The following DYNC2H1 variants were observed in gnomAD, a reference collection of about 807,000 sequenced individuals.
DYNC2H1 encodes the protein dynein cytoplasmic 2 heavy chain 1.
Under a neutral mutation model 570.0 loss-of-function variants are expected in DYNC2H1, and 410 were observed. The ratio of observed to expected loss-of-function variants is 0.72; its 90% confidence interval spans 0.66 to 0.78. The LOEUF is 0.78. DYNC2H1 is among the 30% of genes least tolerant of loss of function. The pLI, the probability that DYNC2H1 is intolerant of heterozygous loss-of-function variation, is 0.00. For synonymous variants in DYNC2H1, 1,688 were observed against 1,677.6 expected (o/e 1.01, Z -0.15); for missense variants, 4,865 against 5,046.4 (o/e 0.96, Z 1.09).
At chr11:103,469,607 C>T (rs972170014) in intron 88 of DYNC2H1, among the ~76,000 whole-genome samples, 2 of 152,130 alleles carry the variant, frequency 1.3e-5, no homozygotes, top group African/African-American at 2.4e-5. Context: ...CAGTTAGCAA[C>T]ATTGCCAAGA....
In DYNC2H1 at chr11:103,363,009, C is replaced by T. The variant is rs1200202504; in HGVS notation, c.12156+4650C>T. Among the ~76,000 whole-genome samples, 3 of 151,662 alleles carry T rather than the reference C, an allele frequency of 2.0e-5. No homozygotes were observed. Among genetic ancestry groups the T allele is most frequent in the Admixed American group, 6.6e-5 (1 of 15,232 alleles). On this transcript the variant is annotated intron_variant, in intron 83 of 88. Transcript: ENST00000375735. The surrounding 1 kb of genome is among the most constrained non-coding windows in gnomAD (Gnocchi z 5.6). Reference sequence around the variant, plus strand: ...TTGTACCACTGCACTCCAGCCTGGGCGACAGAGCAAGACTCTGTCTCAAAA... The same window carrying T: ...TTGTACCACTGCACTCCAGCCTGGGTGACAGAGCAAGACTCTGTCTCAAAA...
Position 103,253,366 on chromosome 11 carries a change from C to A in DYNC2H1, c.10124C>A (p.Pro3375Gln). The A allele has an allele frequency of 6.2e-7, 1 of 1,613,302 alleles. No homozygotes were observed. The highest frequency in any genetic ancestry group is 8.5e-7 in the Non-Finnish European group (1 of 1,179,528). ...CGCCTCTTTTTGTCAACAAGAAACC[C>A]AAATCCTTTTATTCCACCGGATGCA... ...EFRLFLSTRN[P>Q]NPFIPPDAAS... is the part of the protein sequence containing the mutation. Residue 3375 changes from proline to glutamine, a missense_variant, in exon 66 of 89, where the codon CCA becomes CAA. Pro to Gln is a moderately conservative substitution (Grantham distance 76, BLOSUM62 -1). Around this residue, in one of 5 missense-constraint regions of DYNC2H1, gnomAD observed 2,401 missense variants for 2,454.6 expected, o/e 0.98. Coordinates refer to ENST00000375735, the MANE Select transcript of DYNC2H1 (RefSeq NM_001377.3).
At chr11:103,137,401 G>T (rs945193446) in intron 17 of DYNC2H1, among the ~76,000 whole-genome samples, 4 of 151,780 alleles carry the variant, frequency 2.6e-5, no homozygotes, top group African/African-American at 9.7e-5. Context: ...ATTAATTTTT[G>T]TATAAGGTGT....
In DYNC2H1 at chr11:103,283,026, C is replaced by A. The variant is rs200818301; in HGVS notation, c.10831C>A (p.Arg3611Ser). ...ATTAAAGGACTCTCAACAAAAAATA[C>A]GTGATCAGCTTCCGTCTTGGATAGA... ...LRKADSQQKI[R>S]DQLPSWIDQE... The change falls in exon 73 of 89, where the codon CGT (arginine) becomes AGT (serine). Residue 3611 changes from arginine to serine, a missense_variant. By Grantham distance (110) the Arg-to-Ser change is moderately radical (BLOSUM62 -1). Transcript: ENST00000375735. 6.3e-7 allele frequency: 1 copy of A among 1,599,224 alleles called. No individual in the cohort carries two copies. The highest frequency in any genetic ancestry group is 1.3e-5 in the African/African-American group (1 of 74,432).
intron 47 of DYNC2H1, among the ~76,000 whole-genome samples, chr11:103,193,845 C>T (rs556043709): frequency 2.8e-4 from 42 of 152,044 alleles, no homozygotes; most frequent in African/African-American, 9.2e-4. Flanking sequence ...CACACCCAGC[C>T]AGATTTTCTT....
In DYNC2H1 at chr11:103,299,306, A is replaced by G. The variant is rs1265398576; in HGVS notation, c.11096-3787A>G. Among the ~76,000 whole-genome samples the G allele has an allele frequency of 1.3e-5, 2 of 152,180 alleles. No individual in the cohort carries two copies. The highest frequency in any genetic ancestry group is 6.6e-5 in the Admixed American group (1 of 15,260). On this transcript the variant is annotated intron_variant, in intron 75 of 88. Coordinates refer to ENST00000375735, the MANE Select transcript of DYNC2H1 (RefSeq NM_001377.3). This position sits in a 1 kb window ranked among gnomAD's most constrained non-coding sequence, Gnocchi z 4.5. ...GTTTGTGTCTAAAAGAAAGAAAGACATAAGGATATGTGCATTCATTTTCTG... is the reference window on the plus strand; with the variant it reads ...GTTTGTGTCTAAAAGAAAGAAAGACGTAAGGATATGTGCATTCATTTTCTG...
At chr11:103,424,896 TTC>T (rs762534526) in intron 84 of DYNC2H1, among the ~76,000 whole-genome samples, 67 of 152,296 alleles carry the variant, frequency 4.4e-4, no homozygotes, top group Admixed American at 3.5e-3. Flanking sequence ...CCGGTATTTC[TTC>T]TGTCTTATAT....
At chr11:103,444,154 A>G (rs1483157169) in intron 85 of DYNC2H1, among the ~76,000 whole-genome samples, 1 of 151,638 alleles carries the variant, frequency 6.6e-6, no homozygotes, top group African/African-American at 2.4e-5. Flanking sequence ...TTATCTTGCT[A>G]TTATAATCTA....
chr11:103,349,682 G>A (rs1939947283), intron 82 of DYNC2H1, among the ~76,000 whole-genome samples: 1 of 152,106 alleles, frequency 6.6e-6, no homozygotes, highest in Non-Finnish European at 1.5e-5. Context: ...TTCGGTGACA[G>A]GTTCATTCTC....
chr11:103,397,115 AAAAT>A (rs757186036), intron 83 of DYNC2H1, among the ~76,000 whole-genome samples: 3 of 152,164 alleles, frequency 2.0e-5, no homozygotes, highest in Admixed American at 6.5e-5. Context: ...TAAATCAATA[AAAAT>A]AAATAGAGAC....
intron 70 of DYNC2H1, among the ~76,000 whole-genome samples, chr11:103,263,024 A>G (rs1046767061): frequency 1.2e-4 from 10 of 83,372 alleles, no homozygotes; most frequent in Admixed American, 3.2e-4. Flanking sequence ...ATGGAAAGCA[A>G]AAAAAAAAAA....
In DYNC2H1 at chr11:103,199,098, A is replaced by G. The variant is rs371921309; in HGVS notation, c.7840-130A>G. 56 of 559,128 alleles carry G rather than the reference A, an allele frequency of 1.0e-4. No homozygotes were observed. The East Asian group carries it at 1.1e-3, about 11-fold the overall frequency. The allele number at this position is 559,128 out of a possible 1,614,324, so 34.6% of individuals were successfully genotyped here. ...AGACATATAAAATATTGAGTGTGAG[A>G]TGATATGTAGTCACTTTACTTTTTT... On this transcript the variant is annotated intron_variant, in intron 48 of 88. Transcript: ENST00000375735. This position sits in a 1 kb window ranked among gnomAD's most constrained non-coding sequence, Gnocchi z 4.6.
At chr11:103,160,223 T>A (rs890577761) in intron 28 of DYNC2H1, among the ~76,000 whole-genome samples, 2 of 152,104 alleles carry the variant, frequency 1.3e-5, no homozygotes, top group African/African-American at 2.4e-5. Context: ...TTTGTGAAGA[T>A]CAAAATGACA....
At chr11:103,416,294 TATA>T (rs998826043) in intron 84 of DYNC2H1, among the ~76,000 whole-genome samples, 35 of 152,162 alleles carry the variant, frequency 2.3e-4, no homozygotes, top group African/African-American at 6.7e-4. Flanking sequence ...GAACTTAAAC[TATA>T]ATAATAATAA....
At position 103,155,419 on chromosome 11, in the gene DYNC2H1, G is replaced by C. The variant is rs12794914; in HGVS notation, c.3662G>C (p.Arg1221Thr). The C allele has an allele frequency of 9.9e-6, 16 of 1,611,882 alleles. No individual in the cohort carries two copies. Among genetic ancestry groups the C allele is most frequent in the Non-Finnish European group, 1.3e-5 (15 of 1,178,910 alleles). Residue 1221 changes from arginine to threonine, a missense_variant, in exon 25 of 89, where the codon AGG becomes ACG. Coordinates refer to ENST00000375735, the MANE Select transcript of DYNC2H1 (RefSeq NM_001377.3). The part of the protein sequence containing the change: ...LDLFRLLGLP[R>T]GTSLEKLLFG... ...CTTTTTCGTCTCCTTGGACTTCCTA[G>C]GGGGACTAGTCTAGAGAAACTACTG...
chr11:103,171,692 A>G (rs1486108600), intron 34 of DYNC2H1, among the ~76,000 whole-genome samples: 1 of 152,184 alleles, frequency 6.6e-6, no homozygotes, highest in African/African-American at 2.4e-5. Flanking sequence ...AATAATTACC[A>G]CAACCCTTTG....
chr11:103,266,078 T>A (rs1256409018), intron 70 of DYNC2H1, among the ~76,000 whole-genome samples: 1 of 10,334 alleles, frequency 9.7e-5, no homozygotes. Flanking sequence ...TCAGGGTGGG[T>A]GGGGTGGGAG....
chr11:103,318,311 A>G (rs1937977663), intron 80 of DYNC2H1, among the ~76,000 whole-genome samples: 2 of 152,166 alleles, frequency 1.3e-5, no homozygotes, highest in South Asian at 4.2e-4. Context: ...CCATCCCCTA[A>G]CTTTATCTTC....
In DYNC2H1 at chr11:103,203,084, G is replaced by A. The variant is rs1312980243; in HGVS notation, c.8198-579G>A. 1.3e-5 allele frequency among the ~76,000 whole-genome samples: 2 copies of A among 152,120 alleles called. No homozygotes were observed. Among genetic ancestry groups the A allele is most frequent in the East Asian group, 3.8e-4 (2 of 5,198 alleles). Reference sequence around the variant, plus strand: ...AGGTAAGAATATTCTAGGGTTAAATGTTGAACATTGTCAAATATTTGTCCT... The same window carrying A: ...AGGTAAGAATATTCTAGGGTTAAATATTGAACATTGTCAAATATTTGTCCT... On this transcript the variant is annotated intron_variant, in intron 50 of 88. Transcript: ENST00000375735. This position sits in a 1 kb window ranked among gnomAD's most constrained non-coding sequence, Gnocchi z 4.7.
Sources: gnomAD v4.1 joint callset for allele counts (sites outside exome capture counted in the v4.1 genomes callset) on GRCh38, gnomAD v4.1.1 for gene constraint, gnomAD v4.1.1 regional missense constraint, Gnocchi (gnomAD v3.1) non-coding constraint, MANE v1.5 for transcripts, NCBI Gene and HGNC (gene_info 2026-07-23, HGNC 2026-07-21) for gene names.